Variants in KSR2 observed in about 807,000 individuals in gnomAD.
KSR2 encodes the protein kinase suppressor of ras 2.
KSR2 carries 25 observed loss-of-function variants against 107.8 expected under a neutral mutation model. The observed-to-expected ratio is 0.23, with a 90% confidence interval of 0.17 to 0.32. The LOEUF (loss-of-function observed/expected upper bound fraction) is 0.32. Ranked by LOEUF, KSR2 falls within the 10% of genes least tolerant of loss-of-function variation. The pLI is 1.00. For missense variants in KSR2, 887 were observed against 1,268.9 expected, an observed-to-expected ratio of 0.70 and a Z score of 4.57; for synonymous variants, 480 against 507.0, an observed-to-expected ratio of 0.95 and a Z score of 0.71.
intron 1 of KSR2, among the ~76,000 whole-genome samples, chr12:117,941,973 G>T (rs776882206): frequency 2.6e-4 from 39 of 152,054 alleles, no homozygotes; most frequent in Non-Finnish European, 4.3e-4. Flanking sequence ...AGGTTATGAA[G>T]TAGAATGCTC....
chr12:117,915,879 C>T (rs998342390), intron 1 of KSR2, among the ~76,000 whole-genome samples: 2 of 152,016 alleles, frequency 1.3e-5, no homozygotes, highest in African/African-American at 4.8e-5. Context: ...ACCACCAGCT[C>T]CCCACACCCA....
Position 117,488,700 on chromosome 12 carries a change from C to CTT in KSR2, c.2220-3011_2220-3010dup, listed in dbSNP as rs71099056. On this transcript the variant is annotated intron_variant, in intron 14 of 19. Transcript: ENST00000339824. ...ACTGTGAGAAATAAATTTCTTTTTT[C>CTT]TTTTTTTTTTTTTTGAGATAGAGTC... Among the ~76,000 whole-genome samples, 143 of 144,632 alleles carry CTT rather than the reference C, an allele frequency of 9.9e-4. 1 individual carries two copies. The highest frequency in any genetic ancestry group is 1.4e-3 in the Non-Finnish European group (96 of 66,246). The allele number at this position is 144,632 out of a possible 152,430, so 94.9% of individuals were successfully genotyped here. A position where few individuals can be genotyped will look rare whatever the true frequency, so the allele number is the denominator to read the frequency against.
At chr12:117,688,880 CA>C (rs1885697856) in intron 4 of KSR2, among the ~76,000 whole-genome samples, 1 of 152,220 alleles carries the variant, frequency 6.6e-6, no homozygotes, top group Admixed American at 6.5e-5. Flanking sequence ...CACCCGGTCA[CA>C]ACTCATTTAG....
intron 1 of KSR2, among the ~76,000 whole-genome samples, chr12:117,948,825 G>A (rs1896272979): frequency 6.6e-6 from 1 of 152,204 alleles, no homozygotes; most frequent in Non-Finnish European, 1.5e-5. Flanking sequence ...CAGGTGCAGT[G>A]GCTCACGTCT....
At chr12:117,686,215 A>ATTTTTTTTTTTTTTTTTTT (rs55772468) in intron 4 of KSR2, among the ~76,000 whole-genome samples, 2 of 78,042 alleles carry the variant, frequency 2.6e-5, no homozygotes, top group African/African-American at 1.4e-4. Flanking sequence ...CACCCAGCTA[A>ATTTTTTTTTTTTTTTTTTT]TTTTTTTTTT....
chr12:117,800,402 T>C (rs918684931), intron 3 of KSR2, among the ~76,000 whole-genome samples: 1 of 151,940 alleles, frequency 6.6e-6, no homozygotes, highest in African/African-American at 2.4e-5. Flanking sequence ...GCCTAAAACG[T>C]CCAAGAGTCA....
chr12:117,521,800 C>T (rs1874774597), intron 14 of KSR2, among the ~76,000 whole-genome samples: 1 of 152,198 alleles, frequency 6.6e-6, no homozygotes, highest in Non-Finnish European at 1.5e-5. Flanking sequence ...AACCATCAAC[C>T]TCTGCCAGCC....
chr12:117,953,498 A>C lies in KSR2; in HGVS notation c.180+14578T>G, dbSNP rs1335887008. ...TACAATGGACTATTATTTAGCCATAAACACGAATGAAATGCTGATACATCA... is the reference window on the plus strand; with the variant it reads ...TACAATGGACTATTATTTAGCCATACACACGAATGAAATGCTGATACATCA... On this transcript the variant is annotated intron_variant, in intron 1 of 19. Coordinates refer to ENST00000339824, the MANE Select transcript of KSR2 (RefSeq NM_173598.6). 2.0e-5 allele frequency among the ~76,000 whole-genome samples: 3 copies of C among 152,236 alleles called. No individual in the cohort carries two copies. The East Asian group carries it at 5.8e-4, about 29-fold the overall frequency.
rs1893068766 is a variant in KSR2 at position 117,855,419 on chromosome 12, C to A, written c.472+9G>T. On this transcript the variant is annotated intron_variant, in intron 3 of 19. Transcript: ENST00000339824. ...AGTCTCCACATCCCCGACCCCGGGG[C>A]CTGCTCACCTGACATGTGGACATTC... 6.2e-7 allele frequency: 1 copy of A among 1,614,046 alleles called. No homozygotes were observed. The highest frequency in any genetic ancestry group is 8.5e-7 in the Non-Finnish European group (1 of 1,179,896).
chr12:117,545,947 G>A (rs552520508), intron 9 of KSR2, among the ~76,000 whole-genome samples: 144 of 151,966 alleles, frequency 9.5e-4, no homozygotes, highest in Middle Eastern at 3.4e-3. Flanking sequence ...AATATTTCCC[G>A]TACATATATA....
chr12:117,583,272 G>A (rs921843698), intron 5 of KSR2, among the ~76,000 whole-genome samples: 2 of 150,786 alleles, frequency 1.3e-5, no homozygotes, highest in Admixed American at 1.3e-4. Context: ...TGAATGGATG[G>A]ATAGGTGGGT....
intron 5 of KSR2, among the ~76,000 whole-genome samples, chr12:117,658,392 T>C (rs536572788): frequency 1.3e-5 from 2 of 152,284 alleles, no homozygotes; most frequent in East Asian, 3.9e-4. Context: ...TGAAAAAAAG[T>C]GGAAGGACAG....
rs1894900942 is a variant in KSR2 at position 117,907,778 on chromosome 12, T to A, written c.181-47347A>T. On this transcript the variant is annotated intron_variant, in intron 1 of 19. Coordinates refer to ENST00000339824, the MANE Select transcript of KSR2 (RefSeq NM_173598.6). The surrounding 1 kb of genome is among the most constrained non-coding windows in gnomAD (Gnocchi z 4.3). ...TGTAACCACGTCAATTTTTTTAGGT[T>A]TTTTTTTTCTTTTTTCTTCCTATAA... is the stretch of plus-strand genomic sequence containing the variant. Among the ~76,000 whole-genome samples, 1 of 151,608 alleles carries A rather than the reference T, an allele frequency of 6.6e-6. No homozygotes were observed. Among genetic ancestry groups the A allele is most frequent in the Admixed American group, 6.6e-5 (1 of 15,204 alleles).
intron 5 of KSR2, among the ~76,000 whole-genome samples, chr12:117,624,716 T>C (rs565051992): frequency 2.0e-5 from 3 of 152,314 alleles, no homozygotes; most frequent in East Asian, 1.9e-4. Flanking sequence ...TGGTTCCATA[T>C]GAACCTTAAA....
chr12:117,828,439 A>G (rs570615232), intron 3 of KSR2, among the ~76,000 whole-genome samples: 1 of 152,346 alleles, frequency 6.6e-6, no homozygotes, highest in South Asian at 2.1e-4. Flanking sequence ...ACAAATGGCT[A>G]CCAAACCATT....
rs1449775866 is a variant in KSR2 at position 117,579,208 on chromosome 12, G to T, written c.1242-6C>A. 1.9e-6 allele frequency: 3 copies of T among 1,606,684 alleles called. No homozygotes were observed. The highest frequency in any genetic ancestry group is 2.6e-6 in the Non-Finnish European group (3 of 1,173,840). On this transcript the variant is annotated splice_region_variant and splice_polypyrimidine_tract_variant and intron_variant, in intron 6 of 19. Transcript: ENST00000339824. ...TCCAGTACTTGGTGGAAAACCTGTG[G>T]AAAAGAGACAGAAAATGTTCAAGGT...
In KSR2 at chr12:117,558,511, C is replaced by A. The variant is rs778643385; in HGVS notation, c.1388G>T (p.Arg463Leu). ...APPCHLLIIH[R>L]GDPARLVRTE... ...AGTAAGTGTTAAATAGTTACCTCCT[C>A]GGTGGATGATCAGAAGATGACAGGG... is the stretch of plus-strand genomic sequence containing the variant. Residue 463 changes from arginine (R) to leucine (L), a missense_variant, in exon 8 of 20, where the codon CGA becomes CTA. Physicochemically the swap from Arg to Leu is moderately radical, Grantham distance 102 (BLOSUM62 -2). Around this residue, in one of 8 missense-constraint regions of KSR2, gnomAD observed 60 missense variants for 77.5 expected, o/e 0.77. Transcript: ENST00000339824. 1 of 1,613,734 alleles carries A rather than the reference C, an allele frequency of 6.2e-7. No homozygotes were observed. The highest frequency in any genetic ancestry group is 8.5e-7 in the Non-Finnish European group (1 of 1,179,744).
chr12:117,720,161 C>T (rs1887150573), intron 4 of KSR2, among the ~76,000 whole-genome samples: 1 of 152,238 alleles, frequency 6.6e-6, no homozygotes, highest in African/African-American at 2.4e-5. Context: ...TTCATCCCTG[C>T]TGAACCAGGC....
chr12:117,790,373 G>A (rs1021652781), intron 3 of KSR2, among the ~76,000 whole-genome samples: 5 of 152,162 alleles, frequency 3.3e-5, no homozygotes, highest in African/African-American at 9.7e-5. Context: ...CAGACAAAAG[G>A]TTGCATTCTT....
Sources: gnomAD v4.1 joint callset for allele counts (sites outside exome capture counted in the v4.1 genomes callset) on GRCh38, gnomAD v4.1.1 for gene constraint, gnomAD v4.1.1 regional missense constraint, Gnocchi (gnomAD v3.1) non-coding constraint, MANE v1.5 for transcripts, NCBI Gene and HGNC (gene_info 2026-07-23, HGNC 2026-07-21) for gene names.